ARV1: variants seen among roughly 807,000 people sequenced by gnomAD.
ARV1 encodes protein ARV1.
Under a neutral mutation model 31.1 loss-of-function variants are expected in ARV1, and 26 were observed. That is an observed-to-expected ratio of 0.84 (90% CI 0.61 to 1.16). The LOEUF is 1.16. Ranked by LOEUF, ARV1 falls within the 50% of genes most tolerant of loss-of-function variation. The probability of loss-of-function intolerance (pLI) is 0.00; values close to 1 mark genes in which losing one functional copy is unlikely to be tolerated. For synonymous variants in ARV1, 117 were observed against 123.2 expected, an observed-to-expected ratio of 0.95 and a Z score of 0.34; for missense variants, 281 against 324.9, an observed-to-expected ratio of 0.86 and a Z score of 1.04.
chr1:230,987,649 C>G (rs1027085341), intron 1 of ARV1, among the ~76,000 whole-genome samples: 1 of 152,308 alleles, frequency 6.6e-6, no homozygotes, highest in East Asian at 1.9e-4. Context: ...CAGCCTAGTT[C>G]CTTGCACAGC....
intron 1 of ARV1, among the ~76,000 whole-genome samples, chr1:230,985,025 G>T (rs1251950470): frequency 6.6e-6 from 1 of 152,148 alleles, no homozygotes; most frequent in Non-Finnish European, 1.5e-5. Context: ...AGGTCAATTG[G>T]AGTTTGTCCG....
Position 230,997,016 on chromosome 1 carries a change from A to AT in ARV1, c.674-100dup. 2 of 1,373,134 alleles carry AT rather than the reference A, an allele frequency of 1.5e-6. 1 individual carries two copies. The highest frequency in any genetic ancestry group is 2.7e-5 in the South Asian group (2 of 73,368). 85.1% of individuals were successfully genotyped at this position (1,373,134 alleles called of 1,614,324 possible). A position where few individuals can be genotyped will look rare whatever the true frequency, so the allele number is the denominator to read the frequency against. On this transcript the variant is annotated intron_variant, in intron 4 of 5. Coordinates refer to ENST00000310256, the MANE Select transcript of ARV1 (RefSeq NM_022786.3). ...CATAGATTAATAAGAACAAACATTG[A>AT]TTTTTCCAAAAACAGCTTTACAAAA...
Position 230,991,724 on chromosome 1 carries a change from TGG to T in ARV1, c.448+1463_448+1464del, listed in dbSNP as rs531559039. Among the ~76,000 whole-genome samples, 12 of 150,842 alleles carry T rather than the reference TGG, an allele frequency of 8.0e-5. No individual in the cohort carries two copies. In the South Asian group the frequency reaches 2.5e-3, roughly 32 times the overall value. On this transcript the variant is annotated intron_variant, in intron 3 of 5. Coordinates refer to ENST00000310256, the MANE Select transcript of ARV1 (RefSeq NM_022786.3). ...TTGACTCACTGCAACCTCTGCCTCC[TGG>T]GTTCAAGCAGTTCTCCTGCCTTAGC... is the stretch of plus-strand genomic sequence containing the variant.
intron 1 of ARV1, among the ~76,000 whole-genome samples, chr1:230,985,557 C>G (rs1679042474): frequency 6.6e-6 from 1 of 152,238 alleles, no homozygotes. Flanking sequence ...ATAACAGCTG[C>G]TGTGTCTCCT....
intron 1 of ARV1, among the ~76,000 whole-genome samples, chr1:230,984,371 T>TGC (rs1189194460): frequency 0.019 from 1,625 of 85,560 alleles, 30 homozygotes; most frequent in African/African-American, 0.063. Context: ...TGCGTGTGTG[T>TGC]GTGTGTGTGT....
chr1:230,999,882 G>A (rs1679475038), intron 5 of ARV1: 1 of 152,108 alleles, frequency 6.6e-6, no homozygotes, highest in South Asian at 2.1e-4. Context: ...GGAAAATAAG[G>A]TCACATATCT....
intron 1 of ARV1, 181 bp downstream of exon 1, chr1:230,979,460 C>A: frequency 1.4e-6 from 1 of 691,280 alleles, no homozygotes; most frequent in Non-Finnish European, 2.3e-6. Context: ...TTTTCTCATA[C>A]TGGGGCATAT....
intron 3 of ARV1, among the ~76,000 whole-genome samples, chr1:230,993,736 A>G (rs1679290926): frequency 6.6e-6 from 1 of 152,062 alleles, no homozygotes; most frequent in Admixed American, 6.6e-5. Flanking sequence ...CTCTACAAAA[A>G]ATACAAAAAT....
At chr1:230,997,336 A>AAAAGAAGT (rs1267936916) in intron 5 of ARV1, 69 bp downstream of exon 5, 1 of 1,550,408 alleles carries the variant, frequency 6.4e-7, no homozygotes, top group Non-Finnish European at 8.8e-7. Context: ...ATGTCATTGT[A>AAAAGAAGT]AAAGAAGTCG....
intron 1 of ARV1, chr1:230,979,509 G>A: frequency 1.9e-6 from 1 of 513,794 alleles, no homozygotes; most frequent in Non-Finnish European, 3.4e-6. Context: ...GGACCGGACC[G>A]ACAGACAGAG....
At chr1:230,981,223 A>G (rs931147075) in intron 1 of ARV1, among the ~76,000 whole-genome samples, 36 of 152,148 alleles carry the variant, frequency 2.4e-4, no homozygotes, top group African/African-American at 8.2e-4. Context: ...TCCCTTGAAG[A>G]GCTCATTCTG....
At chr1:230,999,950 A>G (rs1408113763) in intron 5 of ARV1, 188 bp from the exon 6 acceptor site, 2 of 152,032 alleles carry the variant, frequency 1.3e-5, no homozygotes, top group African/African-American at 4.8e-5. Context: ...ATACTTATCT[A>G]TGTCTGTCTG....
chr1:230,984,361 T>TGC (rs1553303942), intron 1 of ARV1, among the ~76,000 whole-genome samples: 1,582 of 103,390 alleles, frequency 0.015, 12 homozygotes, highest in Non-Finnish European at 0.022. Flanking sequence ...TGTGTGTGTG[T>TGC]GCGTGTGTGT....
At chr1:230,998,779 C>T (rs1305576474) in intron 5 of ARV1, among the ~76,000 whole-genome samples, 5 of 151,518 alleles carry the variant, frequency 3.3e-5, no homozygotes, top group African/African-American at 9.7e-5. Flanking sequence ...GGCATGGTGG[C>T]GTACACCTGT....
chr1:230,999,278 G>C (rs575374299), intron 5 of ARV1, among the ~76,000 whole-genome samples: 1 of 152,222 alleles, frequency 6.6e-6, no homozygotes, highest in African/African-American at 2.4e-5. Flanking sequence ...GTCCTTTTCT[G>C]ATAACGTTTC....
chr1:230,990,686 G>T, intron 3 of ARV1: 3 of 345,672 alleles, frequency 8.7e-6, no homozygotes, highest in South Asian at 6.7e-5. Flanking sequence ...CCCCCAGGTA[G>T]CTGGAACCAC....
chr1:230,997,359 A>G, intron 5 of ARV1, 92 bp downstream of exon 5: 1 of 1,456,164 alleles, frequency 6.9e-7, no homozygotes, highest in East Asian at 2.3e-5. Context: ...GCCCTTACAT[A>G]ACCCATTCTC....
intron 1 of ARV1, chr1:230,979,608 C>T (rs12030054): frequency 0.24 from 73,283 of 308,266 alleles, 9,215 homozygotes; most frequent in Middle Eastern, 0.39. Context: ...TAGCTCTTCT[C>T]CCTTTGACAG....
Position 230,997,267 on chromosome 1 carries a change from G to C in ARV1, c.*4G>C. On this transcript the variant is annotated splice_region_variant and 3_prime_UTR_variant, in exon 5 of 6. Coordinates refer to ENST00000310256, the MANE Select transcript of ARV1 (RefSeq NM_022786.3). ...CTTTAAATCTCAGGACTTCTGAAGA[G>C]GTACTGAAAGCATGTAGTGTTCATG... 6.2e-7 allele frequency: 1 copy of C among 1,613,416 alleles called. No homozygotes were observed. Among genetic ancestry groups the C allele is most frequent in the Non-Finnish European group, 8.5e-7 (1 of 1,179,476 alleles).
Sources: allele counts gnomAD v4.1 joint callset (sites outside exome capture counted in the v4.1 genomes callset), GRCh38; gene constraint gnomAD v4.1.1; transcripts MANE v1.5; gene names NCBI Gene and HGNC (gene_info 2026-07-23, HGNC 2026-07-21).